The following GLI3 variants were observed in gnomAD, a reference collection of about 807,000 sequenced individuals.
The protein encoded by GLI3 is GLI family zinc finger 3.
Under a neutral mutation model 100.8 loss-of-function variants are expected in GLI3, and 20 were observed. The observed-to-expected ratio is 0.20, with a 90% CI of 0.14 to 0.29. GLI3 has a LOEUF of 0.29. Among genes scored for constraint, GLI3 ranks in the 10% least tolerant of loss-of-function variants. The probability of loss-of-function intolerance (pLI) is 1.00; values close to 1 mark genes in which losing one functional copy is unlikely to be tolerated. For missense variants in GLI3, 2,040 were observed against 2,128.5 expected, an observed-to-expected ratio of 0.96 and a Z score of 0.82; for synonymous variants, 938 against 860.5, an observed-to-expected ratio of 1.09 and a Z score of -1.58.
chr7:41,962,885 AT>A lies in GLI3; in HGVS notation c.*1444del, dbSNP rs1562655456. 1.3e-5 allele frequency: 2 copies of A among 152,148 alleles called. No individual in the cohort carries two copies. The highest frequency in any genetic ancestry group is 4.8e-5 in the African/African-American group (2 of 41,436). The allele number at this position is 152,148 out of a possible 1,614,324, so 9.4% of individuals were successfully genotyped here. A position where few individuals can be genotyped will look rare whatever the true frequency, so the allele number is the denominator to read the frequency against. On this transcript the variant is annotated 3_prime_UTR_variant, in exon 15 of 15. Transcript: ENST00000395925. Reference sequence around the variant, plus strand: ...TGTTAATATTTTAACAGTTTATATAATTTTTTAAAGCAATATGCTGGAAAAT... The same window carrying A: ...TGTTAATATTTTAACAGTTTATATAATTTTTAAAGCAATATGCTGGAAAAT...
At chr7:42,030,934 G>C (rs1789275317) in intron 7 of GLI3, among the ~76,000 whole-genome samples, 1 of 152,126 alleles carries the variant, frequency 6.6e-6, no homozygotes, top group South Asian at 2.1e-4. Context: ...GGCCAGGCTA[G>C]TCTTGAACTC....
At chr7:42,210,164 A>T (rs111951446) in intron 2 of GLI3, among the ~76,000 whole-genome samples, 10 of 152,132 alleles carry the variant, frequency 6.6e-5, no homozygotes, top group African/African-American at 2.4e-4. Flanking sequence ...CTTAGATTTC[A>T]TATTGGGCTT....
At chr7:42,087,223 T>A (rs551979292) in intron 3 of GLI3, among the ~76,000 whole-genome samples, 1 of 152,256 alleles carries the variant, frequency 6.6e-6, no homozygotes, top group African/African-American at 2.4e-5. Context: ...CTAAGGGGCC[T>A]CCAACAACAG....
chr7:42,091,891 G>A (rs898190288), intron 3 of GLI3, among the ~76,000 whole-genome samples: 49 of 152,320 alleles, frequency 3.2e-4, no homozygotes, highest in Non-Finnish European at 4.1e-4. Flanking sequence ...TTAGTCCCCA[G>A]TTAAATACCT....
At chr7:42,153,946 G>A (rs1429847273) in intron 2 of GLI3, among the ~76,000 whole-genome samples, 1 of 152,114 alleles carries the variant, frequency 6.6e-6, no homozygotes, top group African/African-American at 2.4e-5. Context: ...AGGTGAGTAA[G>A]TGATGCAAAG....
chr7:42,075,282 C>T (rs1377126816), intron 4 of GLI3, among the ~76,000 whole-genome samples: 4 of 152,104 alleles, frequency 2.6e-5, no homozygotes, highest in African/African-American at 7.2e-5. Flanking sequence ...TCCAAAATTC[C>T]GGAGAAAATC....
chr7:42,163,743 A>G (rs1160407796), intron 2 of GLI3, among the ~76,000 whole-genome samples: 2 of 151,922 alleles, frequency 1.3e-5, no homozygotes, highest in African/African-American at 2.4e-5. Flanking sequence ...TACCATCTCT[A>G]TTTTTTACAC....
intron 10 of GLI3, among the ~76,000 whole-genome samples, chr7:41,992,886 T>A (rs1788028164): frequency 2.6e-5 from 4 of 152,158 alleles, no homozygotes; most frequent in Admixed American, 2.6e-4. Flanking sequence ...GAGTGTGGGC[T>A]TAAGCAGGAA....
intron 3 of GLI3, among the ~76,000 whole-genome samples, chr7:42,084,798 T>C (rs1785066344): frequency 6.6e-6 from 1 of 150,992 alleles, no homozygotes; most frequent in African/African-American, 2.4e-5. Flanking sequence ...AAATTAAAAA[T>C]GGAAATTAGT....
chr7:42,221,360 C>T (rs148853497), intron 2 of GLI3, among the ~76,000 whole-genome samples: 10 of 152,278 alleles, frequency 6.6e-5, no homozygotes, highest in East Asian at 5.8e-4. Context: ...ACAGGACAGG[C>T]GCTTCTGCAG....
In GLI3 at chr7:42,246,805, C is replaced by CTTTTTTTTTTTTTTTT. The variant is rs71006467; in HGVS notation, c.-43+17173_-43+17188dup. ...TTAAAGGCTCATTGGATGATAGAAT[C>CTTTTTTTTTTTTTTTT]TTTTTTTTTTTTTTTTTTTTTTTTT... On this transcript the variant is annotated intron_variant, in intron 1 of 2. Transcript: ENST00000678978. Among the ~76,000 whole-genome samples the CTTTTTTTTTTTTTTTT allele has an allele frequency of 4.9e-4, 47 of 94,970 alleles. 6 individuals carry two copies. The highest frequency in any genetic ancestry group is 1.6e-3 in the African/African-American group (37 of 23,022). The allele number at this position is 94,970 out of a possible 152,430, so 62.3% of individuals were successfully genotyped here.
intron 2 of GLI3, among the ~76,000 whole-genome samples, chr7:42,193,050 G>A (rs1282611859): frequency 6.6e-6 from 1 of 152,138 alleles, no homozygotes; most frequent in East Asian, 1.9e-4. Flanking sequence ...TCAAAAAAGG[G>A]GGGAAACGAC....
intron 10 of GLI3, among the ~76,000 whole-genome samples, chr7:41,988,463 C>CA (rs202237818): frequency 2.3e-5 from 1 of 43,308 alleles, no homozygotes; most frequent in African/African-American, 1.0e-4. Context: ...AACTCCATCT[C>CA]AAAAAAAAAA....
At chr7:42,234,214 A>G (rs1424323087) in intron 1 of GLI3, among the ~76,000 whole-genome samples, 2 of 152,200 alleles carry the variant, frequency 1.3e-5, no homozygotes, top group East Asian at 3.9e-4. Flanking sequence ...GTCTCCATGT[A>G]AGTGAGTGCA....
intron 5 of GLI3, among the ~76,000 whole-genome samples, chr7:42,046,628 C>T (rs575921507): frequency 1.3e-5 from 2 of 152,282 alleles, no homozygotes; most frequent in East Asian, 3.9e-4. Flanking sequence ...GATAAGAGTG[C>T]TTTCAGTAGT....
intron 10 of GLI3, among the ~76,000 whole-genome samples, chr7:41,990,508 T>C (rs1290328825): frequency 6.6e-6 from 1 of 152,210 alleles, no homozygotes; most frequent in African/African-American, 2.4e-5. Flanking sequence ...TGAAGTCTGA[T>C]TCTGAACATT....
intron 2 of GLI3, among the ~76,000 whole-genome samples, chr7:42,208,029 C>T (rs1788189752): frequency 6.6e-6 from 1 of 152,174 alleles, no homozygotes; most frequent in South Asian, 2.1e-4. Context: ...CGTGGTGGCA[C>T]GTGCCTCTAG....
intron 2 of GLI3, among the ~76,000 whole-genome samples, chr7:42,163,432 CTT>C (rs1343242464): frequency 9.8e-5 from 14 of 143,264 alleles, no homozygotes; most frequent in Admixed American, 2.1e-4. Context: ...ATTTTCTTTT[CTT>C]TTTTTTTTTT....
At chr7:42,150,922 G>A (rs1468473447) in intron 2 of GLI3, among the ~76,000 whole-genome samples, 5 of 152,094 alleles carry the variant, frequency 3.3e-5, no homozygotes, top group Admixed American at 6.6e-5. Context: ...TCGGGGCGGC[G>A]GAGTGGGGAG....
Sources: gnomAD v4.1 joint callset for allele counts (sites outside exome capture counted in the v4.1 genomes callset) on GRCh38, gnomAD v4.1.1 for gene constraint, MANE v1.5 for transcripts, NCBI Gene and HGNC (gene_info 2026-07-23, HGNC 2026-07-21) for gene names.